Variants in STK32B observed in about 807,000 individuals in gnomAD.
STK32B encodes the protein serine/threonine-protein kinase 32B.
In STK32B, 43 loss-of-function variants were observed where a neutral mutation model predicts 52.6. The observed-to-expected ratio is 0.82, with a 90% CI of 0.64 to 1.05. STK32B has a LOEUF of 1.05. STK32B is among the 50% of genes least tolerant of loss of function. The probability of loss-of-function intolerance (pLI) is 0.00; values close to 1 mark genes in which losing one functional copy is unlikely to be tolerated. For synonymous variants in STK32B, 238 were observed against 204.3 expected (o/e 1.17, Z -1.41); for missense variants, 621 against 534.6 (o/e 1.16, Z -1.59).
intron 3 of STK32B, among the ~76,000 whole-genome samples, chr4:5,232,827 G>A (rs1010541544): frequency 1.3e-5 from 2 of 152,126 alleles, no homozygotes; most frequent in Admixed American, 6.5e-5. Context: ...AATAGGTTCT[G>A]TTTATACCTC....
chr4:5,459,282 GCCCCCCC>G (rs55688341), intron 8 of STK32B, among the ~76,000 whole-genome samples: 1 of 133,048 alleles, frequency 7.5e-6, no homozygotes, highest in African/African-American at 2.9e-5. Context: ...ACCCTGGTGT[GCCCCCCC>G]CCCCCACCTT....
intron 4 of STK32B, among the ~76,000 whole-genome samples, chr4:5,376,976 C>G (rs998444394): frequency 6.6e-6 from 1 of 152,054 alleles, no homozygotes; most frequent in African/African-American, 2.4e-5. Flanking sequence ...TAGTTCCCAG[C>G]TCCAGAAAGT....
chr4:5,496,346 A>G (rs934047333), intron 11 of STK32B, among the ~76,000 whole-genome samples: 12 of 152,140 alleles, frequency 7.9e-5, no homozygotes, highest in Non-Finnish European at 1.8e-4. Flanking sequence ...TGTGCTAGCA[A>G]TCAGCGAGAC....
At chr4:5,133,857 A>G (rs1560168694) in intron 1 of STK32B, among the ~76,000 whole-genome samples, 1 of 152,098 alleles carries the variant, frequency 6.6e-6, no homozygotes, top group Non-Finnish European at 1.5e-5. Context: ...TGACTTGGGG[A>G]TGCAGGCATC....
intron 2 of STK32B, among the ~76,000 whole-genome samples, chr4:5,152,713 G>A (rs972048533): frequency 6.6e-6 from 1 of 152,260 alleles, no homozygotes; most frequent in Non-Finnish European, 1.5e-5. Context: ...CTGCACCTTT[G>A]GCTTGCTCTT....
intron 1 of STK32B, among the ~76,000 whole-genome samples, chr4:5,061,377 C>T (rs958391085): frequency 6.6e-6 from 1 of 152,246 alleles, no homozygotes. Flanking sequence ...TCAAAACTTG[C>T]CTTTTAATGT....
At chr4:5,119,184 A>C (rs1197445822) in intron 1 of STK32B, among the ~76,000 whole-genome samples, 1 of 152,204 alleles carries the variant, frequency 6.6e-6, no homozygotes, top group Non-Finnish European at 1.5e-5. Context: ...CAGATCCCGC[A>C]CCCTCACAGG....
chr4:5,188,950 C>T (rs1321788050), intron 3 of STK32B, among the ~76,000 whole-genome samples: 2 of 151,542 alleles, frequency 1.3e-5, no homozygotes, highest in Non-Finnish European at 2.9e-5. Flanking sequence ...CAACATGGCA[C>T]ATGTATACCT....
At chr4:5,427,706 C>G (rs1194038776) in intron 6 of STK32B, among the ~76,000 whole-genome samples, 1 of 152,024 alleles carries the variant, frequency 6.6e-6, no homozygotes, top group Non-Finnish European at 1.5e-5. Context: ...TGTAATATCC[C>G]CTTATTATCC....
intron 3 of STK32B, among the ~76,000 whole-genome samples, chr4:5,302,468 C>G (rs748470876): frequency 6.6e-6 from 1 of 152,070 alleles, no homozygotes. Flanking sequence ...TTTAGATCTA[C>G]AAGCCTTCTG....
rs1737046904 is a variant in STK32B at position 5,398,211 on chromosome 4, A to G, written c.439A>G (p.Ile147Val). The part of the protein sequence containing the change: ...LQRYHIIHRD[I>V]KPDNILLDEH... Reference sequence around the variant, plus strand: ...CTTCTTTGTTTTCTTTTACAGAGACATCAAGCCAGACAATATCCTGCTGGA... The same window carrying G: ...CTTCTTTGTTTTCTTTTACAGAGACGTCAAGCCAGACAATATCCTGCTGGA... Residue 147 changes from isoleucine to valine, a missense_variant, in exon 5 of 12, where the codon ATC becomes GTC. Physicochemically the swap from Ile to Val is conservative, Grantham distance 29. Coordinates refer to ENST00000282908, the MANE Select transcript of STK32B (RefSeq NM_018401.3). This position sits in a 1 kb window ranked among gnomAD's most constrained non-coding sequence, Gnocchi z 4.9. The G allele has an allele frequency of 1.2e-6, 2 of 1,614,110 alleles. No homozygotes were observed. Among genetic ancestry groups the G allele is most frequent in the Middle Eastern group, 1.6e-4 (1 of 6,062 alleles).
intron 6 of STK32B, among the ~76,000 whole-genome samples, chr4:5,430,163 A>G (rs112853833): frequency 6.6e-6 from 1 of 152,026 alleles, no homozygotes; most frequent in East Asian, 1.9e-4. Flanking sequence ...ATCTCTGCAA[A>G]TATATATATT....
intron 3 of STK32B, among the ~76,000 whole-genome samples, chr4:5,306,199 C>G (rs900935027): frequency 7.9e-5 from 12 of 152,106 alleles, no homozygotes; most frequent in African/African-American, 2.9e-4. Flanking sequence ...ATAGAATGTT[C>G]TGTAAATATT....
At chr4:5,212,386 A>T (rs1035937003) in intron 3 of STK32B, among the ~76,000 whole-genome samples, 2 of 152,142 alleles carry the variant, frequency 1.3e-5, no homozygotes, top group Admixed American at 6.5e-5. Flanking sequence ...ATTTTTCCCT[A>T]CTGTCTGTGG....
intron 6 of STK32B, among the ~76,000 whole-genome samples, chr4:5,444,145 G>A (rs1467669308): frequency 8.5e-5 from 13 of 152,150 alleles, no homozygotes; most frequent in African/African-American, 2.9e-4. Context: ...GGAGCTTCCG[G>A]GCTGCTTTGT....
chr4:5,069,510 C>T (rs1278406967), intron 1 of STK32B, among the ~76,000 whole-genome samples: 2 of 152,158 alleles, frequency 1.3e-5, no homozygotes, highest in Admixed American at 1.3e-4. Context: ...CCTGACATAG[C>T]ACAGTGGTTA....
intron 3 of STK32B, among the ~76,000 whole-genome samples, chr4:5,241,818 CA>C (rs1725047673): frequency 6.6e-6 from 1 of 152,110 alleles, no homozygotes; most frequent in African/African-American, 2.4e-5. Flanking sequence ...TCAGTGAGAA[CA>C]TGCGGTGTTT....
intron 3 of STK32B, among the ~76,000 whole-genome samples, chr4:5,282,986 TG>T (rs1451994882): frequency 6.6e-6 from 1 of 152,178 alleles, no homozygotes; most frequent in Non-Finnish European, 1.5e-5. Flanking sequence ...TATGATTTAC[TG>T]TAGTGCCCTG....
Position 5,467,197 on chromosome 4 carries a change from C to T in STK32B, c.1041+363C>T, listed in dbSNP as rs771831107. On this transcript the variant is annotated intron_variant, in intron 10 of 11. Coordinates refer to ENST00000282908, the MANE Select transcript of STK32B (RefSeq NM_018401.3). The surrounding 1 kb of genome is among the most constrained non-coding windows in gnomAD (Gnocchi z 5.8). Reference sequence around the variant, plus strand: ...CTTTGCCTCTGTGGGCCTCTGTATTCGTTTCCTGGGGCTGCCACAAGCTAG... The same window carrying T: ...CTTTGCCTCTGTGGGCCTCTGTATTTGTTTCCTGGGGCTGCCACAAGCTAG... Among the ~76,000 whole-genome samples the T allele has an allele frequency of 1.3e-5, 2 of 152,140 alleles. No homozygotes were observed. The highest frequency in any genetic ancestry group is 2.1e-4 in the South Asian group (1 of 4,828).
Sources: allele counts gnomAD v4.1 joint callset (sites outside exome capture counted in the v4.1 genomes callset), GRCh38; gene constraint gnomAD v4.1.1; non-coding constraint Gnocchi (gnomAD v3.1); transcripts MANE v1.5; gene names NCBI Gene and HGNC (gene_info 2026-07-23, HGNC 2026-07-21).